The following PARD3 variants were observed in gnomAD, a reference collection of about 807,000 sequenced individuals.
PARD3 encodes the protein partitioning defective 3 homolog.
Under a neutral mutation model 155.4 loss-of-function variants are expected in PARD3, and 75 were observed. The ratio of observed to expected loss-of-function variants is 0.48; its 90% CI spans 0.40 to 0.58. The LOEUF is 0.58. PARD3 is among the 20% of genes least tolerant of loss of function. The pLI is 0.00. For missense variants in PARD3, 1,642 were observed against 1,721.7 expected (o/e 0.95, Z 0.82); for synonymous variants, 576 against 610.5 (o/e 0.94, Z 0.83).
chr10:34,614,287 C>A (rs569436016), intron 2 of PARD3, among the ~76,000 whole-genome samples: 1 of 152,018 alleles, frequency 6.6e-6, no homozygotes, highest in African/African-American at 2.4e-5. Context: ...TCAGAGTTGG[C>A]GCTAAAAAAA....
At chr10:34,809,821 A>AAAAT (rs201277442) in intron 1 of PARD3, among the ~76,000 whole-genome samples, 13 of 152,334 alleles carry the variant, frequency 8.5e-5, no homozygotes, top group Non-Finnish European at 1.6e-4. Context: ...AAATGTTAAA[A>AAAAT]AAATAAATAA....
chr10:34,172,163 CAT>C lies in PARD3; in HGVS notation c.3420-40582_3420-40581del, dbSNP rs571268472. Among the ~76,000 whole-genome samples the C allele has an allele frequency of 5.3e-5, 8 of 152,136 alleles. No individual in the cohort carries two copies. In the South Asian group the frequency reaches 1.7e-3, roughly 32 times the overall value. Reference sequence around the variant, plus strand: ...GGGTTAAGTGTAAACGAATCAGAAACATGTGGCTTAAATTTTCCACAAAATTG... The same window carrying C: ...GGGTTAAGTGTAAACGAATCAGAAACGTGGCTTAAATTTTCCACAAAATTG... On this transcript the variant is annotated intron_variant, in intron 22 of 24. Transcript: ENST00000374788.
chr10:34,519,119 G>A (rs936898019), intron 2 of PARD3, among the ~76,000 whole-genome samples: 4 of 152,300 alleles, frequency 2.6e-5, no homozygotes, highest in African/African-American at 9.6e-5. Context: ...CAAGGGTCAT[G>A]AAAGTAAAAG....
chr10:34,248,357 G>A (rs900308784), intron 22 of PARD3, among the ~76,000 whole-genome samples: 7 of 152,142 alleles, frequency 4.6e-5, no homozygotes, highest in Non-Finnish European at 8.8e-5. Context: ...ATTTAAGTCC[G>A]TCTGTTATCT....
chr10:34,594,185 C>A (rs935631577), intron 2 of PARD3, among the ~76,000 whole-genome samples: 3 of 152,112 alleles, frequency 2.0e-5, no homozygotes. Context: ...GCACAGGGCA[C>A]GTGTTTTGTT....
At chr10:34,235,805 A>G (rs1953195849) in intron 22 of PARD3, among the ~76,000 whole-genome samples, 2 of 152,244 alleles carry the variant, frequency 1.3e-5, no homozygotes, top group African/African-American at 4.8e-5. Context: ...TTTACATTGT[A>G]CTAAACGATT....
intron 1 of PARD3, among the ~76,000 whole-genome samples, chr10:34,795,143 C>T (rs538784798): frequency 6.6e-6 from 1 of 152,358 alleles, no homozygotes. Flanking sequence ...AGAAGTCCAA[C>T]CATCCGGAAG....
chr10:34,604,511 A>G (rs1332245555), intron 2 of PARD3, among the ~76,000 whole-genome samples: 1 of 151,550 alleles, frequency 6.6e-6, no homozygotes, highest in Non-Finnish European at 1.5e-5. Flanking sequence ...CAGCTTGCAG[A>G]TGGCCTATTA....
At chr10:34,112,617 C>A (rs1946445150) in intron 24 of PARD3, among the ~76,000 whole-genome samples, 1 of 152,098 alleles carries the variant, frequency 6.6e-6, no homozygotes, top group African/African-American at 2.4e-5. Flanking sequence ...ATTGCTCAAC[C>A]CTCTCCATCA....
intron 3 of PARD3, among the ~76,000 whole-genome samples, chr10:34,492,573 T>C (rs530807164): frequency 5.3e-5 from 8 of 152,340 alleles, no homozygotes; most frequent in Admixed American, 2.0e-4. Flanking sequence ...GACCTAAATA[T>C]TGACAGTTAA....
At chr10:34,808,933 A>C (rs1221275388) in intron 1 of PARD3, among the ~76,000 whole-genome samples, 2 of 152,230 alleles carry the variant, frequency 1.3e-5, no homozygotes, top group African/African-American at 4.8e-5. Flanking sequence ...CAGAGGCGCC[A>C]GACCAAGCAT....
At chr10:34,168,672 C>T (rs1466331588) in intron 22 of PARD3, among the ~76,000 whole-genome samples, 2 of 152,182 alleles carry the variant, frequency 1.3e-5, no homozygotes, top group Non-Finnish European at 1.5e-5. Context: ...AAAAGAGCAG[C>T]TATAATCAAC....
At position 34,120,004 on chromosome 10, in the gene PARD3, ATTTTTT is replaced by A. The variant is rs1185067110; in HGVS notation, c.3541-270_3541-265del. Among the ~76,000 whole-genome samples the A allele has an allele frequency of 7.0e-3, 520 of 73,806 alleles. 7 individuals carry two copies. Among genetic ancestry groups the A allele is most frequent in the African/African-American group, 0.028 (481 of 17,040 alleles). 48.4% of individuals were successfully genotyped at this position (73,806 alleles called of 152,430 possible). A position where few individuals can be genotyped will look rare whatever the true frequency, so the allele number is the denominator to read the frequency against. On this transcript the variant is annotated intron_variant, in intron 23 of 24. Transcript: ENST00000374788. ...AGATCAAACTTTCTAGTCTTCTTTA[ATTTTTT>A]TTTTTTTTTTTTTTTTTTTTTTTAG...
intron 1 of PARD3, among the ~76,000 whole-genome samples, chr10:34,762,970 CTG>C (rs768408983): frequency 2.6e-5 from 4 of 152,212 alleles, no homozygotes; most frequent in Admixed American, 6.5e-5. Flanking sequence ...ACTCCATACA[CTG>C]AGAATTTTCA....
chr10:34,605,519 ATCTCC>A (rs1441722629), intron 2 of PARD3, among the ~76,000 whole-genome samples: 1 of 56,960 alleles, frequency 1.8e-5, no homozygotes, highest in African/African-American at 6.3e-5. Flanking sequence ...ATATATATAT[ATCTCC>A]TATATATATC....
chr10:34,784,150 G>A (rs1226443272), intron 1 of PARD3, among the ~76,000 whole-genome samples: 1 of 152,118 alleles, frequency 6.6e-6, no homozygotes, highest in Non-Finnish European at 1.5e-5. Context: ...GGTGGAGGCT[G>A]CAGTGAGCTG....
chr10:34,157,513 A>C (rs1949064836), intron 22 of PARD3, among the ~76,000 whole-genome samples: 2 of 152,114 alleles, frequency 1.3e-5, no homozygotes, highest in Non-Finnish European at 2.9e-5. Context: ...TTCTTCTTTT[A>C]CAAGTATTTA....
chr10:34,273,211 T>C (rs999956278), intron 21 of PARD3, among the ~76,000 whole-genome samples: 2 of 152,194 alleles, frequency 1.3e-5, no homozygotes, highest in South Asian at 2.1e-4. Context: ...TATTTAAATA[T>C]TGGGAACACC....
intron 3 of PARD3, among the ~76,000 whole-genome samples, chr10:34,481,831 G>C (rs540099376): frequency 4.2e-4 from 64 of 151,926 alleles, no homozygotes; most frequent in Admixed American, 1.6e-3. Context: ...ATCCCATTCT[G>C]ACCATTCATT....
Sources: gnomAD v4.1 joint callset for allele counts (sites outside exome capture counted in the v4.1 genomes callset) on GRCh38, gnomAD v4.1.1 for gene constraint, MANE v1.5 for transcripts, NCBI Gene and HGNC (gene_info 2026-07-23, HGNC 2026-07-21) for gene names.